ANKRD28: variants seen among roughly 807,000 people sequenced by gnomAD.
The protein encoded by ANKRD28 is serine/threonine-protein phosphatase 6 regulatory ankyrin repeat subunit A.
ANKRD28 carries 44 observed loss-of-function variants against 126.5 expected under a neutral mutation model. That is an observed-to-expected ratio of 0.35 (90% CI 0.27 to 0.45). ANKRD28 has a LOEUF of 0.45. Among genes scored for constraint, ANKRD28 ranks in the 20% least tolerant of loss-of-function variants. The pLI, the probability that ANKRD28 is intolerant of heterozygous loss-of-function variation, is 1.00. For synonymous variants in ANKRD28, 442 were observed against 468.5 expected (o/e 0.94, Z 0.73); for missense variants, 1,110 against 1,316.6 (o/e 0.84, Z 2.43).
In ANKRD28 at chr3:15,822,478, G is replaced by A. The variant is rs570830842; in HGVS notation, c.28-27172C>T. On this transcript the variant is annotated intron_variant, in intron 1 of 27. Transcript: ENST00000399451. The stretch of plus-strand genomic sequence containing the variant: ...ACAAGCAGCAATAACAATCCCCAGG[G>A]AGGGGGAAACATTGGCTCTCCAGCT... 3.9e-5 allele frequency among the ~76,000 whole-genome samples: 6 copies of A among 152,296 alleles called. No individual in the cohort carries two copies. In the South Asian group the frequency reaches 1.2e-3, roughly 32 times the overall value.
intron 27 of ANKRD28, among the ~76,000 whole-genome samples, chr3:15,672,584 G>A (rs934849915): frequency 6.6e-6 from 1 of 152,150 alleles, no homozygotes. Context: ...AAGTAGCTGG[G>A]GGAGTGCTTC....
rs571197456 is a variant in ANKRD28, at chr3:15,809,976, C to A, written c.28-14670G>T. 1.7e-3 allele frequency among the ~76,000 whole-genome samples: 252 copies of A among 152,218 alleles called. 1 individual carries two copies. Among genetic ancestry groups the A allele is most frequent in the Non-Finnish European group, 2.8e-3 (189 of 68,030 alleles). Reference sequence around the variant, plus strand: ...GCCTAGCACATCCCCCTCCCACCTCCTCATCCACAAAATGTATAGGTTTGC... The same window carrying A: ...GCCTAGCACATCCCCCTCCCACCTCATCATCCACAAAATGTATAGGTTTGC... On this transcript the variant is annotated intron_variant, in intron 1 of 27. Transcript: ENST00000399451.
chr3:15,795,125 C>A, intron 2 of ANKRD28, 98 bp downstream of exon 2: 1 of 848,182 alleles, frequency 1.2e-6, no homozygotes, highest in African/African-American at 1.7e-5. Context: ...ACAACTGTTA[C>A]AGAGTTATAT....
intron 1 of ANKRD28, among the ~76,000 whole-genome samples, chr3:15,808,168 G>C (rs1267474994): frequency 6.6e-6 from 1 of 152,218 alleles, no homozygotes; most frequent in East Asian, 1.9e-4. Context: ...AGACACCTAA[G>C]AGAAGTTAAA....
chr3:15,762,944 G>A (rs1575586526), intron 3 of ANKRD28, among the ~76,000 whole-genome samples: 2 of 152,268 alleles, frequency 1.3e-5, no homozygotes, highest in African/African-American at 4.8e-5. Flanking sequence ...GTGCTAAGAG[G>A]TAAGGCCAGG....
intron 6 of ANKRD28, among the ~76,000 whole-genome samples, chr3:15,728,730 C>T (rs1447638935): frequency 1.3e-5 from 2 of 152,202 alleles, no homozygotes; most frequent in Non-Finnish European, 2.9e-5. Context: ...TCGTTTCAAT[C>T]TGGGGGTTTC....
chr3:15,742,781 A>T (rs75819285), intron 4 of ANKRD28, among the ~76,000 whole-genome samples: 1 of 129,090 alleles, frequency 7.7e-6, no homozygotes, highest in Admixed American at 7.9e-5. Context: ...CCGGCCAGCC[A>T]CCCGGTCCGG....
At position 15,796,405 on chromosome 3, in the gene ANKRD28, C is replaced by T. The variant is rs1346166392; in HGVS notation, c.117G>A (p.Leu39=). 7.8e-7 allele frequency: 1 copy of T among 1,285,120 alleles called. No homozygotes were observed. Among genetic ancestry groups the T allele is most frequent in the African/African-American group, 1.5e-5 (1 of 65,672 alleles). 79.6% of individuals were successfully genotyped at this position (1,285,120 alleles called of 1,614,324 possible). The change falls in exon 1 of 28, where the codon TTG becomes TTA. Residue 39 remains leucine (L), a splice_region_variant and synonymous_variant. Coordinates refer to ENST00000683139, the MANE Select transcript of ANKRD28 (RefSeq NM_001349278.2). Reference sequence around the variant, plus strand: ...AAACATATAAACTTACATATCTTACCAATACATTTCCAGAAGGTGGAGAAT... The same window carrying T: ...AAACATATAAACTTACATATCTTACTAATACATTTCCAGAAGGTGGAGAAT... ...SLHSPPSGNV[L]PSLVQAIFNG...
intron 1 of ANKRD28, among the ~76,000 whole-genome samples, chr3:15,851,768 C>T (rs766733590): frequency 1.3e-5 from 2 of 152,134 alleles, no homozygotes; most frequent in Non-Finnish European, 2.9e-5. Flanking sequence ...TACCATACTA[C>T]CCAATGATTC....
intron 2 of ANKRD28, among the ~76,000 whole-genome samples, chr3:15,770,444 G>A (rs2058943985): frequency 6.6e-6 from 1 of 150,890 alleles, no homozygotes; most frequent in Admixed American, 6.6e-5. Flanking sequence ...TAGCATTACT[G>A]GGTACAGAAA....
chr3:15,711,989 C>G, intron 11 of ANKRD28, 151 bp downstream of exon 11: 1 of 642,710 alleles, frequency 1.6e-6, no homozygotes, highest in East Asian at 2.8e-5. Context: ...AGCCACCACG[C>G]CAGACCTGAA....
intron 17 of ANKRD28, 37 bp downstream of exon 17, chr3:15,694,702 C>T: frequency 1.9e-6 from 3 of 1,562,460 alleles, no homozygotes. Context: ...TTCAGTAAAC[C>T]AGCAGCCATC....
chr3:15,759,420 T>C (rs936169344), intron 3 of ANKRD28, among the ~76,000 whole-genome samples: 14 of 152,192 alleles, frequency 9.2e-5, no homozygotes, highest in African/African-American at 3.4e-4. Flanking sequence ...TTCACCCCAT[T>C]CCATAATAAT....
chr3:15,792,503 G>C (rs1265052917), intron 2 of ANKRD28, among the ~76,000 whole-genome samples: 2 of 152,090 alleles, frequency 1.3e-5, no homozygotes, highest in Non-Finnish European at 2.9e-5. Context: ...TTACTTGTGG[G>C]ATCTGAACAT....
chr3:15,792,324 C>T (rs1361757258), intron 2 of ANKRD28, among the ~76,000 whole-genome samples: 3 of 152,070 alleles, frequency 2.0e-5, no homozygotes, highest in African/African-American at 7.2e-5. Flanking sequence ...ACCTAAGTGT[C>T]CATCAACAGA....
At chr3:15,673,437 A>C (rs2066582906) in intron 27 of ANKRD28, among the ~76,000 whole-genome samples, 1 of 152,268 alleles carries the variant, frequency 6.6e-6, no homozygotes, top group South Asian at 2.1e-4. Flanking sequence ...CTAAGAATAT[A>C]TCAGTGAATG....
intron 6 of ANKRD28, among the ~76,000 whole-genome samples, chr3:15,727,834 T>C (rs886692457): frequency 6.6e-6 from 1 of 152,194 alleles, no homozygotes; most frequent in African/African-American, 2.4e-5. Context: ...TTGCTTCTTA[T>C]GGATGAGTAA....
intron 12 of ANKRD28, 89 bp from the exon 13 acceptor site, chr3:15,709,825 T>G (rs1025498401): frequency 1.3e-6 from 1 of 763,944 alleles, no homozygotes; most frequent in Non-Finnish European, 2.1e-6. Context: ...AAGCATGTTT[T>G]TATATGAAGA....
chr3:15,688,803 C>T (rs919655198), intron 18 of ANKRD28, among the ~76,000 whole-genome samples: 1 of 152,204 alleles, frequency 6.6e-6, no homozygotes, highest in African/African-American at 2.4e-5. Flanking sequence ...CGTATTTTAA[C>T]GTATCTGCTA....
Sources: allele counts gnomAD v4.1 joint callset (sites outside exome capture counted in the v4.1 genomes callset), GRCh38; gene constraint gnomAD v4.1.1; transcripts MANE v1.5; gene names NCBI Gene and HGNC (gene_info 2026-07-23, HGNC 2026-07-21).